The following WNK2 variants were observed in gnomAD, a reference collection of about 807,000 sequenced individuals.
WNK2 encodes the protein serine/threonine-protein kinase WNK2.
A neutral mutation model predicts 192.1 loss-of-function variants in WNK2; 67 were observed. The observed-to-expected ratio is 0.35, with a 90% CI of 0.29 to 0.43. The LOEUF is 0.43. WNK2 is among the 20% of genes least tolerant of loss of function. The pLI, the probability that WNK2 is intolerant of heterozygous loss-of-function variation, is 1.00. For synonymous variants in WNK2, 1,439 were observed against 1,393.9 expected (o/e 1.03, Z -0.72); for missense variants, 2,698 against 3,089.7 (o/e 0.87, Z 3.01).
Position 93,268,011 on chromosome 9 carries a change from C to T in WNK2, c.3868-9C>T. The T allele has an allele frequency of 6.2e-7, 1 of 1,611,224 alleles. No homozygotes were observed. The highest frequency in any genetic ancestry group is 1.1e-5 in the South Asian group (1 of 90,364). ...AGTGGGCTCATTTCTGACCCTCCAC[C>T]TCATTCAGGAGAGCCGACAATCCCA... On this transcript the variant is annotated splice_polypyrimidine_tract_variant and intron_variant, in intron 17 of 29. Transcript: ENST00000427277.
chr9:93,231,170 C>A, intron 4 of WNK2, 62 bp downstream of exon 4: 1 of 1,509,250 alleles, frequency 6.6e-7, no homozygotes, highest in South Asian at 1.1e-5. Flanking sequence ...GCAGTGAGTG[C>A]TGGCGAGCAT....
chr9:93,234,981 C>T lies in WNK2; in HGVS notation c.1233+16C>T. 6.2e-7 allele frequency: 1 copy of T among 1,613,682 alleles called. No individual in the cohort carries two copies. Among genetic ancestry groups the T allele is most frequent in the Non-Finnish European group, 8.5e-7 (1 of 1,179,744 alleles). On this transcript the variant is annotated intron_variant, in intron 5 of 29. Transcript: ENST00000427277. ...GGTCACCTGTGTGAGTCCACCTGGC[C>T]CCTTGGTTAATTAATAAGGACACAG...
intron 16 of WNK2, among the ~76,000 whole-genome samples, chr9:93,264,969 C>T (rs1173157546): frequency 6.6e-6 from 1 of 152,246 alleles, no homozygotes; most frequent in Non-Finnish European, 1.5e-5. Context: ...CACCCCTGCC[C>T]TGGCTTCGTG....
At chr9:93,205,341 G>A (rs1358619106) in intron 2 of WNK2, among the ~76,000 whole-genome samples, 1 of 152,208 alleles carries the variant, frequency 6.6e-6, no homozygotes, top group African/African-American at 2.4e-5. Context: ...CATGGGGAGT[G>A]GGCAGCCTAT....
At chr9:93,272,469 G>T (rs984896600) in intron 19 of WNK2, among the ~76,000 whole-genome samples, 1 of 152,218 alleles carries the variant, frequency 6.6e-6, no homozygotes, top group Non-Finnish European at 1.5e-5. Flanking sequence ...CGAGCATGGT[G>T]GCTCATGACT....
In WNK2 at chr9:93,241,342, G is replaced by A. The variant is rs139006269; in HGVS notation, c.1542+1366G>A. Among the ~76,000 whole-genome samples the A allele has an allele frequency of 1.6e-3, 244 of 152,366 alleles. 2 individuals carry two copies. Among genetic ancestry groups the A allele is most frequent in the Middle Eastern group, 6.8e-3 (2 of 294 alleles). ...TAGTATTGCATGGTAAGAAAGTTGC[G>A]CATTTGCAGTGAACACCTGAGCAGA... is the stretch of plus-strand genomic sequence containing the variant. On this transcript the variant is annotated intron_variant, in intron 7 of 29. Coordinates refer to ENST00000427277, the MANE Select transcript of WNK2 (RefSeq NM_006648.4).
At position 93,190,703 on chromosome 9, in the gene WNK2, C is replaced by T. The variant is rs540438127; in HGVS notation, c.681+5093C>T. Among the ~76,000 whole-genome samples, 7 of 152,360 alleles carry T rather than the reference C, an allele frequency of 4.6e-5. No individual in the cohort carries two copies. The South Asian group carries it at 1.2e-3, about 27-fold the overall frequency. On this transcript the variant is annotated intron_variant, in intron 2 of 29. Coordinates refer to ENST00000427277, the MANE Select transcript of WNK2 (RefSeq NM_006648.4). ...TCTGCATTTGTGTCCACAGGCCCTG[C>T]GGAGTGCCTGGGATGTGGCTGGGGC... is the stretch of plus-strand genomic sequence containing the variant.
chr9:93,187,085 G>C (rs6479463), intron 2 of WNK2, among the ~76,000 whole-genome samples: 116,224 of 152,062 alleles, frequency 0.76, 44,961 homozygotes, highest in Non-Finnish European at 0.82. Context: ...CCTTCTGACC[G>C]GAGCACCCTC....
rs144210449 is a variant in WNK2, at chr9:93,293,129, C to T, written c.5664C>T (p.Leu1888=). Residue 1888 remains leucine, a synonymous_variant, in exon 23 of 30, where the codon CTC becomes CTT. Transcript: ENST00000427277. ...TCAGCAGCGACAATGATTCGGAGCT[C>T]GAGGATGCTGACATAAAGAAGGAGC... The part of the protein sequence containing the change: ...SYISSDNDSE[L]EDADIKKELQ... 5.7e-6 allele frequency: 9 copies of T among 1,574,814 alleles called. No individual in the cohort carries two copies. The highest frequency in any genetic ancestry group is 4.1e-5 in the African/African-American group (3 of 73,446).
intron 29 of WNK2, 46 bp from the exon 30 acceptor site, chr9:93,320,321 A>G: frequency 2.9e-6 from 4 of 1,367,128 alleles, no homozygotes; most frequent in Non-Finnish European, 3.9e-6. Flanking sequence ...GCGAGTGGCC[A>G]GCACTGCGGT....
intron 2 of WNK2, among the ~76,000 whole-genome samples, chr9:93,202,975 G>A (rs1460942525): frequency 4.6e-5 from 7 of 151,088 alleles, no homozygotes; most frequent in Non-Finnish European, 8.9e-5. Context: ...TGGTTTCCAC[G>A]TGGCAACCAT....
chr9:93,252,805 A>T (rs1256962050), intron 8 of WNK2, 78 bp from the exon 9 acceptor site: 31 of 1,266,124 alleles, frequency 2.4e-5, no homozygotes, highest in Non-Finnish European at 3.1e-5. Context: ...TTGCAGAAGA[A>T]AATATGCAGA....
chr9:93,304,229 G>A (rs562151329), intron 26 of WNK2, among the ~76,000 whole-genome samples: 11 of 152,296 alleles, frequency 7.2e-5, no homozygotes, highest in South Asian at 6.2e-4. Context: ...GGGCAGGGCC[G>A]TTGACCCAAG....
intron 19 of WNK2, among the ~76,000 whole-genome samples, chr9:93,277,603 T>C (rs185617265): frequency 1.3e-5 from 2 of 152,214 alleles, no homozygotes; most frequent in African/African-American, 4.8e-5. Flanking sequence ...CTTCATACTG[T>C]ATAATTCCAT....
intron 2 of WNK2, among the ~76,000 whole-genome samples, chr9:93,225,924 G>A (rs143287233): frequency 9.9e-6 from 1 of 101,200 alleles, no homozygotes. Flanking sequence ...ATGTTGTGTT[G>A]TGTTGTGTTG....
intron 7 of WNK2, among the ~76,000 whole-genome samples, chr9:93,244,776 A>G (rs1841396081): frequency 6.6e-6 from 1 of 152,178 alleles, no homozygotes; most frequent in Admixed American, 6.5e-5. Flanking sequence ...AGTGACAGGG[A>G]CACCTGCCTC....
At position 93,304,826 on chromosome 9, in the gene WNK2, G is replaced by GC. The variant is rs151098702; in HGVS notation, c.6215-1949dup. ...GCAGTGAGTGGCGTCCGACAGCATG[G>GC]CCTTGAAAGACTGGCACCCATCAGT... On this transcript the variant is annotated intron_variant, in intron 26 of 29. Transcript: ENST00000427277. Among the ~76,000 whole-genome samples, 283 of 152,360 alleles carry GC rather than the reference G, an allele frequency of 1.9e-3. 2 individuals are homozygous for GC. The highest frequency in any genetic ancestry group is 6.6e-3 in the African/African-American group (274 of 41,582).
intron 19 of WNK2, among the ~76,000 whole-genome samples, chr9:93,280,194 CA>C (rs1847516491): frequency 1.3e-5 from 2 of 152,092 alleles, no homozygotes; most frequent in Non-Finnish European, 2.9e-5. Flanking sequence ...TCTCAAAAGA[CA>C]GTAGTAAGAA....
intron 2 of WNK2, among the ~76,000 whole-genome samples, chr9:93,211,295 C>CACTCATTTACTCACTCATCCACTT (rs1333662678): frequency 7.2e-6 from 1 of 139,052 alleles, no homozygotes; most frequent in African/African-American, 2.7e-5. Context: ...CTCATACACT[C>CACTCATTTACTCACTCATCCACTT]AGTCACTCAT....
Sources: allele counts gnomAD v4.1 joint callset (sites outside exome capture counted in the v4.1 genomes callset), GRCh38; gene constraint gnomAD v4.1.1; transcripts MANE v1.5; gene names NCBI Gene and HGNC (gene_info 2026-07-23, HGNC 2026-07-21).